TACC2: variants seen among roughly 807,000 people sequenced by gnomAD.
The protein encoded by TACC2 is transforming acidic coiled-coil containing protein 2, also known as transforming acidic coiled-coil-containing protein 2.
Under a neutral mutation model 227.3 loss-of-function variants are expected in TACC2, and 137 were observed. The observed-to-expected ratio is 0.60, with a 90% confidence interval of 0.52 to 0.69. TACC2 has a LOEUF of 0.69. Ranked by LOEUF, TACC2 falls within the 30% of genes least tolerant of loss-of-function variation. The pLI is 0.00. For synonymous variants in TACC2, 1,523 were observed against 1,487.5 expected (o/e 1.02, Z -0.55); for missense variants, 3,470 against 3,694.4 (o/e 0.94, Z 1.57).
At chr10:122,052,480 C>T (rs1424231453) in intron 3 of TACC2, 3 of 152,118 alleles carry the variant, frequency 2.0e-5, no homozygotes, top group Non-Finnish European at 4.4e-5. Context: ...GTCAGGAGAT[C>T]CAGACCACCC....
At chr10:122,100,023 G>C (rs891701954) in intron 5 of TACC2, among the ~76,000 whole-genome samples, 1 of 152,188 alleles carries the variant, frequency 6.6e-6, no homozygotes, top group Non-Finnish European at 1.5e-5. Context: ...CCAGCACTTT[G>C]GGAGGCCAAG....
chr10:122,106,144 T>A (rs1041268495), intron 5 of TACC2, among the ~76,000 whole-genome samples: 1 of 151,470 alleles, frequency 6.6e-6, no homozygotes, highest in Admixed American at 6.6e-5. Context: ...TCCACCACCA[T>A]GCCTGGCTAA....
chr10:122,081,683 T>C (rs72839697), intron 3 of TACC2, among the ~76,000 whole-genome samples: 9,897 of 152,238 alleles, frequency 0.065, 411 homozygotes, highest in Admixed American at 0.12. Flanking sequence ...GTTCCCTGAG[T>C]GTTTCACTTT....
At chr10:122,025,567 TTTTA>T (rs1236174300) in intron 2 of TACC2, among the ~76,000 whole-genome samples, 1 of 98,312 alleles carries the variant, frequency 1.0e-5, no homozygotes, top group Non-Finnish European at 2.1e-5. Context: ...GGCCTATTAT[TTTTA>T]TTTATTTTAT....
intron 13 of TACC2, 93 bp downstream of exon 13, chr10:122,226,574 G>T: frequency 1.1e-6 from 1 of 886,370 alleles, no homozygotes; most frequent in Non-Finnish European, 1.8e-6. Context: ...TCATTTCAGT[G>T]CATAGATTCA....
chr10:122,008,264 A>ATTATTATTATTATTATTATTTT, intron 1 of TACC2, among the ~76,000 whole-genome samples: 1 of 134,664 alleles, frequency 7.4e-6, no homozygotes, highest in East Asian at 2.1e-4. Context: ...TATTATTATT[A>ATTATTATTATTATTATTATTTT]TTTTTTTTTT....
At chr10:122,094,501 A>G (rs2081166958) in intron 5 of TACC2, among the ~76,000 whole-genome samples, 1 of 152,026 alleles carries the variant, frequency 6.6e-6, no homozygotes, top group South Asian at 2.1e-4. Flanking sequence ...CTGGTCTCGA[A>G]CTCCCAGCCT....
At chr10:122,024,120 C>A (rs1957691117) in intron 2 of TACC2, among the ~76,000 whole-genome samples, 1 of 152,156 alleles carries the variant, frequency 6.6e-6, no homozygotes, top group African/African-American at 2.4e-5. Flanking sequence ...CTAATCCCAG[C>A]ACTTTGGGAG....
chr10:122,144,794 G>A (rs951581996), intron 7 of TACC2, among the ~76,000 whole-genome samples: 1 of 152,120 alleles, frequency 6.6e-6, no homozygotes, highest in Admixed American at 6.5e-5. Context: ...TGTATCTCCT[G>A]GCATCTACCT....
chr10:122,190,181 T>G (rs1449721364), intron 7 of TACC2, among the ~76,000 whole-genome samples: 1 of 152,252 alleles, frequency 6.6e-6, no homozygotes, highest in Non-Finnish European at 1.5e-5. Context: ...GATGCTGATC[T>G]TAAACTATTT....
chr10:122,033,224 A>G (rs1591297438), intron 2 of TACC2: 2 of 1,056,212 alleles, frequency 1.9e-6, no homozygotes, highest in Non-Finnish European at 2.6e-6. Flanking sequence ...GGTTGCAAAC[A>G]TTTGGTGTGT....
chr10:122,126,943 G>A (rs574685391), intron 5 of TACC2: 16 of 152,436 alleles, frequency 1.0e-4, no homozygotes, highest in African/African-American at 3.8e-4. Context: ...TGGGGCCTTC[G>A]GGAGGTGATT....
At chr10:122,096,761 G>T (rs1460551687) in intron 5 of TACC2, among the ~76,000 whole-genome samples, 1 of 151,964 alleles carries the variant, frequency 6.6e-6, no homozygotes, top group African/African-American at 2.4e-5. Flanking sequence ...CAGACATGTG[G>T]TTTTTCCACT....
intron 8 of TACC2, among the ~76,000 whole-genome samples, chr10:122,201,838 T>C (rs2140828573): frequency 6.6e-6 from 1 of 152,302 alleles, no homozygotes; most frequent in South Asian, 2.1e-4. Context: ...GGGGTGGTAC[T>C]AGAGACAGTG....
At chr10:122,079,644 G>A (rs549224710) in intron 3 of TACC2, among the ~76,000 whole-genome samples, 1 of 152,348 alleles carries the variant, frequency 6.6e-6, no homozygotes, top group South Asian at 2.1e-4. Context: ...GAGGTGAGGA[G>A]CAGGACAGAG....
chr10:122,224,752 A>T lies in TACC2; in HGVS notation c.7573A>T (p.Ile2525Phe). 6.2e-7 allele frequency: 1 copy of T among 1,613,988 alleles called. No individual in the cohort carries two copies. Among genetic ancestry groups the T allele is most frequent in the Non-Finnish European group, 8.5e-7 (1 of 1,180,010 alleles). The change falls in exon 12 of 23, where the codon ATT (isoleucine) becomes TTT (phenylalanine). Residue 2525 changes from isoleucine (I) to phenylalanine (F), a missense_variant. Transcript: ENST00000369005. ...EELDYRNSYE[I>F]EYMEKIGSSL... ...GTTGGATTACAGAAACTCCTATGAA[A>T]TTGAATATATGGAGAAAATTGGCTC...
rs2075605497 is a variant in TACC2, at chr10:122,050,950, A to G, written c.146+400A>G. 5.9e-6 allele frequency: 1 copy of G among 170,314 alleles called. No homozygotes were observed. Among genetic ancestry groups the G allele is most frequent in the Non-Finnish European group, 1.3e-5 (1 of 79,690 alleles). 10.6% of individuals were successfully genotyped at this position (170,314 alleles called of 1,614,324 possible). On this transcript the variant is annotated intron_variant, in intron 3 of 22. Coordinates refer to ENST00000369005, the MANE Select transcript of TACC2 (RefSeq NM_206862.4). The surrounding 1 kb of genome is among the most constrained non-coding windows in gnomAD (Gnocchi z 4.6). ...CACTGGACCATGAAACAGAGGACTG[A>G]GAACACAATTACCAAAGCCACCCAA...
chr10:122,171,516 T>C lies in TACC2; in HGVS notation c.5835-23524T>C, dbSNP rs113131554. ...ACTTACTCCAAGGTGTTTGTGGAGT[T>C]CCAGAGTCTGCGGATGTTAGAACTG... On this transcript the variant is annotated intron_variant, in intron 7 of 22. Coordinates refer to ENST00000369005, the MANE Select transcript of TACC2 (RefSeq NM_206862.4). 8.5e-3 allele frequency among the ~76,000 whole-genome samples: 1,295 copies of C among 152,348 alleles called. 11 individuals are homozygous for C. The highest frequency in any genetic ancestry group is 0.012 in the Non-Finnish European group (834 of 68,026).
At chr10:122,092,674 G>C (rs2080952419) in intron 5 of TACC2, among the ~76,000 whole-genome samples, 1 of 152,210 alleles carries the variant, frequency 6.6e-6, no homozygotes, top group Non-Finnish European at 1.5e-5. Flanking sequence ...TGGATATCCT[G>C]TGGCTTTGCC....
Sources: gnomAD v4.1 joint callset for allele counts (sites outside exome capture counted in the v4.1 genomes callset) on GRCh38, gnomAD v4.1.1 for gene constraint, Gnocchi (gnomAD v3.1) non-coding constraint, MANE v1.5 for transcripts, NCBI Gene and HGNC (gene_info 2026-07-23, HGNC 2026-07-21) for gene names.